UGT1A8: variants seen among roughly 807,000 people sequenced by gnomAD.
UGT1A8 encodes UDP glucuronosyltransferase family 1 member A8, also known as UDP-glucuronosyltransferase 1A8.
UGT1A8 carries 39 observed loss-of-function variants against 45.3 expected under a neutral mutation model. The observed-to-expected ratio is 0.86, with a 90% CI of 0.67 to 1.12. The LOEUF is 1.12. UGT1A8 is among the 50% of genes most tolerant of loss of function. The probability of loss-of-function intolerance (pLI) is 0.00; values close to 1 mark genes in which losing one functional copy is unlikely to be tolerated. For synonymous variants in UGT1A8, 275 were observed against 249.2 expected, an observed-to-expected ratio of 1.10 and a Z score of -0.97; for missense variants, 719 against 664.9, an observed-to-expected ratio of 1.08 and a Z score of -0.90.
chr2:233,712,804 C>T (rs2076256018), intron 1 of UGT1A8, among the ~76,000 whole-genome samples: 1 of 152,204 alleles, frequency 6.6e-6, no homozygotes, highest in Non-Finnish European at 1.5e-5. Context: ...CGGTCTTTCC[C>T]AGGGTGGGGC....
At chr2:233,647,310 A>C (rs1286815655) in intron 1 of UGT1A8, among the ~76,000 whole-genome samples, 3 of 152,100 alleles carry the variant, frequency 2.0e-5, no homozygotes, top group African/African-American at 7.2e-5. Context: ...ATTGTTTTAC[A>C]TTTTCGTATC....
At chr2:233,676,053 G>C (rs2074344673) in intron 1 of UGT1A8, among the ~76,000 whole-genome samples, 1 of 152,152 alleles carries the variant, frequency 6.6e-6, no homozygotes, top group Non-Finnish European at 1.5e-5. Flanking sequence ...AATTGACTAG[G>C]TGCCAAAGTT....
At chr2:233,767,269 G>T in intron 2 of UGT1A8, 104 bp downstream of exon 2, 1 of 1,582,682 alleles carries the variant, frequency 6.3e-7, no homozygotes, top group South Asian at 1.2e-5. Flanking sequence ...CTTAGATTTG[G>T]CTTTTCCCTG....
intron 1 of UGT1A8, among the ~76,000 whole-genome samples, chr2:233,701,868 A>G: frequency 6.6e-6 from 1 of 152,170 alleles, no homozygotes; most frequent in Non-Finnish European, 1.5e-5. Flanking sequence ...AATTTATAGC[A>G]CTAAATGCCC....
chr2:233,772,269 G>C lies in UGT1A8; in HGVS notation c.1303G>C (p.Glu435Gln), dbSNP rs868814380. The C allele has an allele frequency of 1.2e-6, 2 of 1,614,106 alleles. No homozygotes were observed. The highest frequency in any genetic ancestry group is 1.7e-6 in the Non-Finnish European group (2 of 1,180,050). Residue 435 changes from glutamate to glutamine, a missense_variant, in exon 5 of 5, where the codon GAG becomes CAG. Transcript: ENST00000373450. ...AACTGTCTTTGTGTTTAGTTACAAG[G>C]AGAACATCATGCGCCTCTCCAGCCT... The part of the protein sequence containing the change: ...KAVINDKSYK[E>Q]NIMRLSSLHK...
rs1362371317 is a variant in UGT1A8 at position 233,772,403 on chromosome 2, C to T, written c.1437C>T (p.Thr479=). The T allele has an allele frequency of 6.2e-7, 1 of 1,614,140 alleles. No individual in the cohort carries two copies. Among genetic ancestry groups the T allele is most frequent in the African/African-American group, 1.3e-5 (1 of 74,952 alleles). The part of the protein sequence containing the change: ...PHLRPAAHDL[T]WYQYHSLDVI... ...TGCGCCCCGCAGCCCACGACCTCAC[C>T]TGGTACCAGTACCATTCCTTGGACG... Residue 479 remains threonine (T), a synonymous_variant, in exon 5 of 5, where the codon ACC becomes ACT. Coordinates refer to ENST00000373450, the MANE Select transcript of UGT1A8 (RefSeq NM_019076.5).
chr2:233,745,708 C>G (rs571256965), intron 1 of UGT1A8, among the ~76,000 whole-genome samples: 5 of 149,444 alleles, frequency 3.3e-5, no homozygotes, highest in South Asian at 2.1e-4. Context: ...AACAAGTGAT[C>G]CAGAATGGCT....
intron 1 of UGT1A8, chr2:233,691,760 C>A: frequency 2.3e-6 from 1 of 437,874 alleles, no homozygotes; most frequent in Non-Finnish European, 3.0e-6. Flanking sequence ...CTGACTCCTG[C>A]TCTAGGATTC....
intron 1 of UGT1A8, chr2:233,754,418 A>T: frequency 2.9e-6 from 1 of 342,598 alleles, no homozygotes; most frequent in Non-Finnish European, 5.7e-6. Context: ...CAATAAAGAC[A>T]GGCATTGGCA....
intron 1 of UGT1A8, among the ~76,000 whole-genome samples, chr2:233,702,307 C>A (rs2075680349): frequency 6.6e-6 from 1 of 152,052 alleles, no homozygotes; most frequent in Non-Finnish European, 1.5e-5. Flanking sequence ...GTATATTGAT[C>A]TTGTACTTCA....
At chr2:233,760,506 T>A in intron 1 of UGT1A8, 1 of 1,614,180 alleles carries the variant, frequency 6.2e-7, no homozygotes, top group Non-Finnish European at 8.5e-7. Flanking sequence ...ACGGAGCATT[T>A]TACACCTTGA....
chr2:233,740,547 G>A (rs1575636319), intron 1 of UGT1A8: 1 of 151,824 alleles, frequency 6.6e-6, no homozygotes, highest in African/African-American at 2.4e-5. Flanking sequence ...ACTCCAGCCA[G>A]AAAAAATGTC....
At chr2:233,762,468 G>A (rs976449997) in intron 1 of UGT1A8, among the ~76,000 whole-genome samples, 1 of 152,122 alleles carries the variant, frequency 6.6e-6, no homozygotes, top group Non-Finnish European at 1.5e-5. Context: ...TAATGTCATG[G>A]ATATCACTCC....
intron 1 of UGT1A8, among the ~76,000 whole-genome samples, chr2:233,749,453 C>A (rs1313864160): frequency 6.6e-6 from 1 of 151,804 alleles, no homozygotes; most frequent in Non-Finnish European, 1.5e-5. Flanking sequence ...TGGAGCAGAA[C>A]GAATTGGGAA....
chr2:233,683,340 G>C (rs2074629186), intron 1 of UGT1A8, among the ~76,000 whole-genome samples: 1 of 152,046 alleles, frequency 6.6e-6, no homozygotes, highest in Admixed American at 6.6e-5. Context: ...ATAATTGCAT[G>C]GTAGTCTTTA....
chr2:233,694,499 A>G (rs1315589494), intron 1 of UGT1A8, among the ~76,000 whole-genome samples: 1 of 152,222 alleles, frequency 6.6e-6, no homozygotes, highest in African/African-American at 2.4e-5. Flanking sequence ...GTGTTTACAG[A>G]TGCCCTCCTG....
chr2:233,768,083 C>A, intron 3 of UGT1A8, 137 bp from the exon 4 acceptor site: 1 of 1,591,312 alleles, frequency 6.3e-7, no homozygotes, highest in Non-Finnish European at 8.6e-7. Flanking sequence ...GGTATCTCAA[C>A]CCACATTTTC....
intron 4 of UGT1A8, among the ~76,000 whole-genome samples, chr2:233,771,772 C>T (rs536423324): frequency 2.8e-4 from 43 of 152,144 alleles, no homozygotes; most frequent in African/African-American, 1.0e-3. Flanking sequence ...CCGTCCCTCT[C>T]TCCTTTCCTC....
rs1267717516 is a variant in UGT1A8, at chr2:233,755,162, G to A, written c.856-11872G>A. 1.3e-4 allele frequency: 162 copies of A among 1,279,924 alleles called. 2 individuals carry two copies. The highest frequency in any genetic ancestry group is 5.7e-5 in the Admixed American group (3 of 52,216). The allele number at this position is 1,279,924 out of a possible 1,614,324, so 79.3% of individuals were successfully genotyped here. A position where few individuals can be genotyped will look rare whatever the true frequency, so the allele number is the denominator to read the frequency against. Reference sequence around the variant, plus strand: ...TTCTCACCGCTTCCTCCCTGTCCTCGGGGTTTTTGTCGGGGTGCCACTTGA... The same window carrying A: ...TTCTCACCGCTTCCTCCCTGTCCTCAGGGTTTTTGTCGGGGTGCCACTTGA... On this transcript the variant is annotated intron_variant, in intron 1 of 4. Coordinates refer to ENST00000373450, the MANE Select transcript of UGT1A8 (RefSeq NM_019076.5).
Sources: allele counts gnomAD v4.1 joint callset (sites outside exome capture counted in the v4.1 genomes callset), GRCh38; gene constraint gnomAD v4.1.1; transcripts MANE v1.5; gene names NCBI Gene and HGNC (gene_info 2026-07-23, HGNC 2026-07-21).